Variants in KHDRBS2 observed in about 807,000 individuals in gnomAD.
KHDRBS2 encodes KH domain-containing, RNA-binding, signal transduction-associated protein 2.
KHDRBS2 carries 26 observed loss-of-function variants against 44.3 expected under a neutral mutation model. The observed-to-expected ratio is 0.59, with a 90% CI of 0.43 to 0.81. The LOEUF is 0.81. Among genes scored for constraint, KHDRBS2 ranks in the 40% least tolerant of loss-of-function variants. The pLI, the probability that KHDRBS2 is intolerant of heterozygous loss-of-function variation, is 0.00. For synonymous variants in KHDRBS2, 194 were observed against 151.1 expected (o/e 1.28, Z -2.08); for missense variants, 476 against 433.1 (o/e 1.10, Z -0.88).
chr6:62,157,209 G>A (rs1234120771), intron 2 of KHDRBS2, among the ~76,000 whole-genome samples: 1 of 151,534 alleles, frequency 6.6e-6, no homozygotes, highest in Non-Finnish European at 1.5e-5. Context: ...AGTAGTCCCA[G>A]CTACTCGGGA....
the KHDRBS2 span, among the ~76,000 whole-genome samples, chr6:61,646,424 G>T: frequency 6.6e-6 from 1 of 151,992 alleles, no homozygotes; most frequent in Non-Finnish European, 1.5e-5. Context: ...TTTCCTCCAA[G>T]GACAACTACT....
intron 1 of KHDRBS2, among the ~76,000 whole-genome samples, chr6:62,226,643 C>G (rs1831882948): frequency 6.6e-6 from 1 of 151,982 alleles, no homozygotes; most frequent in Admixed American, 6.6e-5. Context: ...CTTAAGTTTT[C>G]TTCTAGGTTT....
chr6:61,990,406 T>C (rs907568191), intron 3 of KHDRBS2, among the ~76,000 whole-genome samples: 4 of 152,168 alleles, frequency 2.6e-5, no homozygotes, highest in African/African-American at 4.8e-5. Context: ...CAAAAATGAA[T>C]AATGAATGTG....
At chr6:61,741,124 T>A (rs1776072694) in intron 6 of KHDRBS2, among the ~76,000 whole-genome samples, 2 of 151,870 alleles carry the variant, frequency 1.3e-5, no homozygotes, top group Admixed American at 6.6e-5. Context: ...CCTTATTAAA[T>A]CCCCATGCCA....
the KHDRBS2 span, among the ~76,000 whole-genome samples, chr6:61,600,380 AT>A: frequency 6.6e-6 from 1 of 152,142 alleles, no homozygotes; most frequent in Admixed American, 6.6e-5. Context: ...ACCATGTGAA[AT>A]TCCTTCTCCT....
Position 62,161,015 on chromosome 6 carries a change from C to T in KHDRBS2, c.219+16170G>A, listed in dbSNP as rs76371921. 8.0e-3 allele frequency among the ~76,000 whole-genome samples: 1,220 copies of T among 152,164 alleles called. 12 individuals carry two copies. Among genetic ancestry groups the T allele is most frequent in the African/African-American group, 0.028 (1,143 of 41,534 alleles). On this transcript the variant is annotated intron_variant, in intron 2 of 8. Coordinates refer to ENST00000281156, the MANE Select transcript of KHDRBS2 (RefSeq NM_152688.4). ...CAAGACCCTGGAGGTTACCATTCTA[C>T]GTTCTGTCTTTATGATTTTGACTAC...
chr6:62,021,322 C>CT (rs1782262606), intron 3 of KHDRBS2, among the ~76,000 whole-genome samples: 1 of 151,834 alleles, frequency 6.6e-6, no homozygotes, highest in African/African-American at 2.4e-5. Context: ...GGCTTAATAG[C>CT]TGGGTGACAA....
the KHDRBS2 span, among the ~76,000 whole-genome samples, chr6:61,628,567 C>A: frequency 1.3e-5 from 2 of 152,252 alleles, no homozygotes; most frequent in African/African-American, 4.8e-5. Flanking sequence ...TTTGCTTACT[C>A]TCAAACACTA....
At chr6:62,025,096 A>C (rs148960078) in intron 3 of KHDRBS2, among the ~76,000 whole-genome samples, 641 of 151,900 alleles carry the variant, frequency 4.2e-3, no homozygotes, top group Non-Finnish European at 7.3e-3. Flanking sequence ...CACTCTAATG[A>C]ATAGCAAATT....
chr6:61,948,827 C>A (rs182879915), intron 4 of KHDRBS2, among the ~76,000 whole-genome samples: 1 of 151,876 alleles, frequency 6.6e-6, no homozygotes, highest in Non-Finnish European at 1.5e-5. Flanking sequence ...CTCATATATT[C>A]CAAACCCTTA....
chr6:61,752,765 A>G (rs1423315516), intron 6 of KHDRBS2, among the ~76,000 whole-genome samples: 1 of 151,906 alleles, frequency 6.6e-6, no homozygotes. Flanking sequence ...AGAATAAACA[A>G]AAAGATTAAA....
chr6:62,134,941 C>A (rs745891867), intron 2 of KHDRBS2, among the ~76,000 whole-genome samples: 17 of 152,132 alleles, frequency 1.1e-4, no homozygotes, highest in Non-Finnish European at 2.2e-4. Context: ...GCAGAAGGGA[C>A]TTGCCTTGTC....
At chr6:62,110,438 C>A (rs1804732130) in intron 2 of KHDRBS2, among the ~76,000 whole-genome samples, 1 of 151,962 alleles carries the variant, frequency 6.6e-6, no homozygotes, top group African/African-American at 2.4e-5. Flanking sequence ...CTGGGAACAA[C>A]CTAAATTTGT....
intron 6 of KHDRBS2, among the ~76,000 whole-genome samples, chr6:61,750,770 A>AAC (rs1212917341): frequency 2.0e-5 from 3 of 151,852 alleles, no homozygotes; most frequent in African/African-American, 7.2e-5. Flanking sequence ...TAAAAAAAAA[A>AAC]AAAAAAACAT....
chr6:61,978,087 C>A lies in KHDRBS2; in HGVS notation c.462G>T (p.Glu154Asp). The A allele has an allele frequency of 1.3e-6, 2 of 1,590,326 alleles. No individual in the cohort carries two copies. The highest frequency in any genetic ancestry group is 1.7e-6 in the Non-Finnish European group (2 of 1,172,664). ...TTACAGGAACCAGGAATTTTTTAAT[C>A]TCTTCCAATGCATGACTCATACGTG... ...AYSRMSHALE[E>D]IKKFLVPDYN... is the part of the protein sequence containing the mutation. The change falls in exon 4 of 9, where the codon GAG becomes GAT. Residue 154 changes from glutamate (E) to aspartate (D), a missense_variant. By Grantham distance (45) the Glu-to-Asp change is conservative (BLOSUM62 2). Coordinates refer to ENST00000281156, the MANE Select transcript of KHDRBS2 (RefSeq NM_152688.4).
At chr6:61,580,679 G>GA in the KHDRBS2 span, among the ~76,000 whole-genome samples, 2 of 151,876 alleles carry the variant, frequency 1.3e-5, no homozygotes, top group South Asian at 2.1e-4. Context: ...CCACCAGAAG[G>GA]AAAAAATAAC....
At chr6:61,722,685 G>T (rs1461582731) in intron 7 of KHDRBS2, among the ~76,000 whole-genome samples, 1 of 151,092 alleles carries the variant, frequency 6.6e-6, no homozygotes, top group African/African-American at 2.4e-5. Flanking sequence ...GTTTGTAAAT[G>T]CTGGAGGATG....
intron 4 of KHDRBS2, among the ~76,000 whole-genome samples, chr6:61,958,586 C>T (rs1005520638): frequency 1.3e-5 from 2 of 152,136 alleles, no homozygotes; most frequent in African/African-American, 4.8e-5. Flanking sequence ...AATCATCACA[C>T]CCTTGAATTT....
chr6:62,002,666 CAAT>C (rs1416740207), intron 3 of KHDRBS2, among the ~76,000 whole-genome samples: 1 of 150,940 alleles, frequency 6.6e-6, no homozygotes, highest in Non-Finnish European at 1.5e-5. Context: ...GTCAGTGACT[CAAT>C]AAAAATTACA....
Sources: allele counts gnomAD v4.1 joint callset (sites outside exome capture counted in the v4.1 genomes callset), GRCh38; gene constraint gnomAD v4.1.1; transcripts MANE v1.5; gene names NCBI Gene and HGNC (gene_info 2026-07-23, HGNC 2026-07-21).